Variants in EYA1 observed in about 807,000 individuals in gnomAD.
EYA1 encodes the protein protein phosphatase EYA1.
A neutral mutation model predicts 82.0 loss-of-function variants in EYA1; 16 were observed. That is an observed-to-expected ratio of 0.20 (90% CI 0.13 to 0.30). The LOEUF (loss-of-function observed/expected upper bound fraction) is 0.30, where lower values mean the gene tolerates loss of function less well. Ranked by LOEUF, EYA1 falls within the 10% of genes least tolerant of loss-of-function variation. The pLI, the probability that EYA1 is intolerant of heterozygous loss-of-function variation, is 1.00. For synonymous variants in EYA1, 261 were observed against 264.4 expected, an observed-to-expected ratio of 0.99 and a Z score of 0.12; for missense variants, 633 against 730.7, an observed-to-expected ratio of 0.87 and a Z score of 1.54.
intron 11 of EYA1, among the ~76,000 whole-genome samples, chr8:71,264,223 T>C (rs10504503): frequency 0.035 from 5,311 of 152,268 alleles, 271 homozygotes; most frequent in African/African-American, 0.11. Flanking sequence ...TCAACCACCA[T>C]GGAAGAAAAT....
intron 4 of EYA1, among the ~76,000 whole-genome samples, chr8:71,324,988 C>G (rs954577944): frequency 3.9e-5 from 6 of 152,346 alleles, no homozygotes; most frequent in Middle Eastern, 3.4e-3. Context: ...ACTCTCAATA[C>G]TGTCAACACC....
At chr8:71,232,274 C>T (rs1013200079) in intron 12 of EYA1, among the ~76,000 whole-genome samples, 27 of 152,216 alleles carry the variant, frequency 1.8e-4, no homozygotes, top group East Asian at 1.9e-4. Context: ...TCACTAAGGA[C>T]GCCCAGCAGC....
chr8:71,355,401 T>G (rs2129070492), intron 2 of EYA1, among the ~76,000 whole-genome samples: 1 of 152,362 alleles, frequency 6.6e-6, no homozygotes, highest in South Asian at 2.1e-4. Context: ...AGTTGTAATT[T>G]AATGGGTCTC....
chr8:71,394,573 G>C (rs112299039), intron 2 of EYA1, among the ~76,000 whole-genome samples: 98 of 152,068 alleles, frequency 6.4e-4, no homozygotes, highest in African/African-American at 2.3e-3. Context: ...TCTTGTTTTT[G>C]TCAGGGTTGT....
At chr8:71,200,126 T>A (rs1405816595) in intron 17 of EYA1, 2 of 154,562 alleles carry the variant, frequency 1.3e-5, no homozygotes, top group Non-Finnish European at 2.9e-5. Context: ...GAACTTTCAC[T>A]GCTCCAAAGC....
intron 12 of EYA1, among the ~76,000 whole-genome samples, chr8:71,239,857 T>C (rs552031893): frequency 2.0e-5 from 3 of 152,214 alleles, no homozygotes; most frequent in Non-Finnish European, 4.4e-5. Flanking sequence ...TGAGTTATAT[T>C]TTCCCAACTT....
At chr8:71,461,808 C>T (rs1055983277) in intron 2 of EYA1, among the ~76,000 whole-genome samples, 1 of 152,092 alleles carries the variant, frequency 6.6e-6, no homozygotes, top group African/African-American at 2.4e-5. Flanking sequence ...CAGGGGGAAG[C>T]TCCATTCCCT....
At chr8:71,242,758 A>G (rs1373859772) in intron 12 of EYA1, among the ~76,000 whole-genome samples, 2 of 150,412 alleles carry the variant, frequency 1.3e-5, no homozygotes, top group Admixed American at 1.3e-4. Context: ...GGCACTGTAT[A>G]AGCAAGTTTT....
intron 2 of EYA1, among the ~76,000 whole-genome samples, chr8:71,386,681 T>C (rs919611770): frequency 3.9e-5 from 6 of 152,150 alleles, no homozygotes; most frequent in Admixed American, 2.0e-4. Flanking sequence ...ATCCAATTGC[T>C]GGACAAATTT....
Position 71,388,384 on chromosome 8 carries a change from C to T in EYA1, c.34-31873G>A, listed in dbSNP as rs139325649. ...CAACTCTTGTAAAGAAGCTTGGGTA[C>T]GACAATAGAAAAAAGAAAGCCAAGG... On this transcript the variant is annotated intron_variant, in intron 2 of 18. Transcript: ENST00000643681. Among the ~76,000 whole-genome samples, 19 of 152,068 alleles carry T rather than the reference C, an allele frequency of 1.2e-4. No individual in the cohort carries two copies. In the East Asian group the frequency reaches 2.9e-3, roughly 23 times the overall value.
At chr8:71,521,574 A>C (rs1051854004) in intron 2 of EYA1, among the ~76,000 whole-genome samples, 1 of 152,212 alleles carries the variant, frequency 6.6e-6, no homozygotes, top group Non-Finnish European at 1.5e-5. Flanking sequence ...GCATGCATCT[A>C]TTAACCAGAG....
chr8:71,242,995 C>G (rs1347983484), intron 12 of EYA1, among the ~76,000 whole-genome samples: 1 of 151,982 alleles, frequency 6.6e-6, no homozygotes, highest in Non-Finnish European at 1.5e-5. Context: ...TCGGGATGGT[C>G]TCGAACTCCC....
chr8:71,287,687 T>C (rs908622680), intron 9 of EYA1, among the ~76,000 whole-genome samples: 7 of 152,308 alleles, frequency 4.6e-5, no homozygotes, highest in Non-Finnish European at 7.4e-5. Context: ...CAATCCACAA[T>C]GTACAACAGT....
At position 71,313,093 on chromosome 8, in the gene EYA1, G is replaced by A. The variant is rs565208835; in HGVS notation, c.556+4459C>T. Among the ~76,000 whole-genome samples the A allele has an allele frequency of 2.0e-5, 3 of 152,106 alleles. No homozygotes were observed. In the East Asian group the frequency reaches 5.8e-4, roughly 29 times the overall value. ...AAAGCTGAGTTTATTTTTTGCCAGC[G>A]GCTCTTCCTTGCTTCCCCACTCTCA... On this transcript the variant is annotated intron_variant, in intron 7 of 17. Transcript: ENST00000340726.
At chr8:71,544,777 G>T (rs1053140737) in intron 1 of EYA1, among the ~76,000 whole-genome samples, 2 of 152,202 alleles carry the variant, frequency 1.3e-5, no homozygotes, top group African/African-American at 2.4e-5. Flanking sequence ...CTGAGCTTAG[G>T]GATATTCAAA....
At chr8:71,256,408 G>A (rs909732544) in intron 11 of EYA1, among the ~76,000 whole-genome samples, 9 of 152,124 alleles carry the variant, frequency 5.9e-5, no homozygotes, top group South Asian at 2.1e-4. Context: ...GTTATAACAC[G>A]GATGAACCTT....
At chr8:71,283,790 A>G (rs1818084297) in intron 9 of EYA1, among the ~76,000 whole-genome samples, 1 of 152,146 alleles carries the variant, frequency 6.6e-6, no homozygotes, top group African/African-American at 2.4e-5. Flanking sequence ...ATATCACAGC[A>G]AAAGAAACTT....
intron 2 of EYA1, among the ~76,000 whole-genome samples, chr8:71,378,227 G>T (rs549917314): frequency 2.6e-5 from 4 of 151,922 alleles, no homozygotes; most frequent in Non-Finnish European, 5.9e-5. Context: ...ATTAAGATTA[G>T]GCTTGCAGGG....
chr8:71,329,368 CA>C, intron 4 of EYA1, among the ~76,000 whole-genome samples: 1 of 152,294 alleles, frequency 6.6e-6, no homozygotes, highest in South Asian at 2.1e-4. Flanking sequence ...CTCTATCTGG[CA>C]AACCCTTGAC....
Sources: allele counts gnomAD v4.1 joint callset (sites outside exome capture counted in the v4.1 genomes callset), GRCh38; gene constraint gnomAD v4.1.1; transcripts MANE v1.5; gene names NCBI Gene and HGNC (gene_info 2026-07-23, HGNC 2026-07-21).